Variants in POLE2 observed in about 807,000 individuals in gnomAD.
POLE2 encodes DNA polymerase epsilon subunit 2.
A neutral mutation model predicts 79.4 loss-of-function variants in POLE2; 56 were observed. The observed-to-expected ratio is 0.71, with a 90% CI of 0.57 to 0.88. The LOEUF is 0.88. Ranked by LOEUF, POLE2 falls within the 40% of genes least tolerant of loss-of-function variation. The probability of loss-of-function intolerance (pLI) is 0.00; values close to 1 mark genes in which losing one functional copy is unlikely to be tolerated. For synonymous variants in POLE2, 212 were observed against 214.0 expected, an observed-to-expected ratio of 0.99 and a Z score of 0.08; for missense variants, 598 against 638.9, an observed-to-expected ratio of 0.94 and a Z score of 0.69.
chr14:49,655,591 A>G, intron 11 of POLE2, 80 bp downstream of exon 11: 1 of 923,548 alleles, frequency 1.1e-6, no homozygotes. Context: ...ATACTCAAAA[A>G]GATAAATAGA....
At chr14:49,650,217 CT>C (rs764140003) in intron 17 of POLE2, 47 bp downstream of exon 17, 2 of 1,034,656 alleles carry the variant, frequency 1.9e-6, no homozygotes, top group Non-Finnish European at 2.7e-6. Context: ...AAAAAATGCA[CT>C]CTAATCTTGA....
At chr14:49,649,977 G>C (rs1206322877) in intron 17 of POLE2, 2 of 176,366 alleles carry the variant, frequency 1.1e-5, no homozygotes, top group Non-Finnish European at 2.4e-5. Flanking sequence ...GGAATCCCAA[G>C]ATAAGTTCTG....
chr14:49,668,034 G>C (rs1885608978), intron 6 of POLE2, among the ~76,000 whole-genome samples: 1 of 152,198 alleles, frequency 6.6e-6, no homozygotes, highest in Non-Finnish European at 1.5e-5. Flanking sequence ...CACTTTGGGA[G>C]GCTGAGGCGG....
intron 10 of POLE2, among the ~76,000 whole-genome samples, chr14:49,656,354 CAA>C (rs36046648): frequency 4.0e-4 from 38 of 93,986 alleles, no homozygotes; most frequent in African/African-American, 8.0e-4. Flanking sequence ...ACTCTTGTCT[CAA>C]AAAAAAAAAA....
chr14:49,653,632 TTTTTTTGTTTTTTTG>T (rs1164571521), intron 15 of POLE2, among the ~76,000 whole-genome samples: 2 of 151,910 alleles, frequency 1.3e-5, no homozygotes, highest in African/African-American at 2.4e-5. Flanking sequence ...TGTTTTTTGT[TTTTTTTGTTTTTTTG>T]TTTTTTGTTT....
chr14:49,669,512 T>A lies in POLE2; in HGVS notation c.492+12A>T. On this transcript the variant is annotated intron_variant, in intron 6 of 18. Transcript: ENST00000216367. ...ACTTATACCCCCTACATAACTAGGA[T>A]AATGTTCTAACCTGGAATTTGCTTC... 7.2e-7 allele frequency: 1 copy of A among 1,397,500 alleles called. No homozygotes were observed. Among genetic ancestry groups the A allele is most frequent in the Non-Finnish European group, 1.0e-6 (1 of 983,848 alleles). 86.6% of individuals were successfully genotyped at this position (1,397,500 alleles called of 1,614,324 possible).
At chr14:49,664,370 A>G (rs559110479) in intron 9 of POLE2, among the ~76,000 whole-genome samples, 1 of 152,136 alleles carries the variant, frequency 6.6e-6, no homozygotes, top group South Asian at 2.1e-4. Flanking sequence ...GAAAAAAAAA[A>G]AAAAGGGTGT....
chr14:49,643,766 T>C (rs1883559412), intron 18 of POLE2, 96 bp from the exon 19 acceptor site: 1 of 614,794 alleles, frequency 1.6e-6, no homozygotes, highest in South Asian at 2.2e-5. Flanking sequence ...AGTTAATTGA[T>C]TTTTAAAAAC....
At chr14:49,686,969 G>C (rs1049392669) in intron 1 of POLE2, among the ~76,000 whole-genome samples, 32 of 152,022 alleles carry the variant, frequency 2.1e-4, no homozygotes, top group African/African-American at 7.7e-4. Flanking sequence ...CAATCCAGCA[G>C]GTATTTCAAT....
intron 15 of POLE2, among the ~76,000 whole-genome samples, chr14:49,651,934 G>A (rs1261746213): frequency 6.6e-6 from 1 of 152,096 alleles, no homozygotes; most frequent in Admixed American, 6.6e-5. Flanking sequence ...CATCCTTGAG[G>A]AACAGAAGGG....
At chr14:49,658,488 T>A (rs1184670504) in intron 10 of POLE2, among the ~76,000 whole-genome samples, 1 of 152,206 alleles carries the variant, frequency 6.6e-6, no homozygotes, top group Non-Finnish European at 1.5e-5. Context: ...CTGCTAAGCA[T>A]AAATGACCAC....
At chr14:49,677,376 T>C in intron 3 of POLE2, 1 of 494,808 alleles carries the variant, frequency 2.0e-6, no homozygotes, top group Non-Finnish European at 3.7e-6. Context: ...GCTGGGTATC[T>C]ACAGCGGCTT....
At chr14:49,648,897 G>A (rs534759501) in intron 17 of POLE2, among the ~76,000 whole-genome samples, 10 of 152,016 alleles carry the variant, frequency 6.6e-5, no homozygotes, top group South Asian at 2.1e-4. Context: ...TTCCTGCCTC[G>A]GCCTCCCAAA....
intron 1 of POLE2, among the ~76,000 whole-genome samples, chr14:49,684,273 T>C (rs1002550515): frequency 1.3e-5 from 2 of 151,874 alleles, no homozygotes; most frequent in South Asian, 4.2e-4. Context: ...CCATTCTGGC[T>C]AACACACGAT....
chr14:49,688,079 A>C (rs1176478373), intron 1 of POLE2, 57 bp downstream of exon 1: 1 of 1,360,488 alleles, frequency 7.4e-7, no homozygotes, highest in African/African-American at 1.5e-5. Flanking sequence ...CTGCCGCACC[A>C]GGCAGACGGG....
At chr14:49,681,280 G>A in intron 2 of POLE2, 1 of 215,240 alleles carries the variant, frequency 4.6e-6, no homozygotes, top group Non-Finnish European at 9.9e-6. Context: ...TGTGGCAGTG[G>A]CAAGAGGAAA....
chr14:49,663,699 T>C (rs185285815), intron 9 of POLE2, among the ~76,000 whole-genome samples: 6 of 152,238 alleles, frequency 3.9e-5, no homozygotes, highest in African/African-American at 1.2e-4. Context: ...TTTATTGAGG[T>C]ATCGTTCACA....
At position 49,688,162 on chromosome 14, in the gene POLE2, G is replaced by C. The variant is rs1478100487; in HGVS notation, c.42C>G (p.Phe14Leu). ...ERLRSRALSA[F>L]KLRGLLLRGE... ...CACGGAGCAGCAAGCCCCGCAACTTGAAGGCGGAGAGCGCCCGGCTCCGCA... is the reference window on the plus strand; with the variant it reads ...CACGGAGCAGCAAGCCCCGCAACTTCAAGGCGGAGAGCGCCCGGCTCCGCA... Residue 14 changes from phenylalanine (F) to leucine (L), a missense_variant, in exon 1 of 19, where the codon TTC becomes TTG. Phe to Leu is a conservative substitution (Grantham distance 22, BLOSUM62 0). Coordinates refer to ENST00000216367, the MANE Select transcript of POLE2 (RefSeq NM_002692.4). 1.9e-6 allele frequency: 3 copies of C among 1,553,476 alleles called. No individual in the cohort carries two copies. The highest frequency in any genetic ancestry group is 1.9e-5 in the Admixed American group (1 of 53,468).
intron 6 of POLE2, among the ~76,000 whole-genome samples, chr14:49,668,183 T>C (rs1885622035): frequency 6.6e-6 from 1 of 152,130 alleles, no homozygotes; most frequent in South Asian, 2.1e-4. Context: ...TGAGGCAGAA[T>C]TGCTTGAACC....
Sources: gnomAD v4.1 joint callset for allele counts (sites outside exome capture counted in the v4.1 genomes callset) on GRCh38, gnomAD v4.1.1 for gene constraint, MANE v1.5 for transcripts, NCBI Gene and HGNC (gene_info 2026-07-23, HGNC 2026-07-21) for gene names.